The following SYT9 variants were observed in gnomAD, a reference collection of about 807,000 sequenced individuals.
SYT9 encodes synaptotagmin-9.
SYT9 carries 22 observed loss-of-function variants against 48.4 expected under a neutral mutation model. That is an observed-to-expected ratio of 0.45 (90% CI 0.32 to 0.65). SYT9 has a LOEUF of 0.65. Ranked by LOEUF, SYT9 falls within the 30% of genes least tolerant of loss-of-function variation. SYT9 has a pLI of 0.03. For synonymous variants in SYT9, 265 were observed against 245.0 expected, an observed-to-expected ratio of 1.08 and a Z score of -0.76; for missense variants, 577 against 622.0, an observed-to-expected ratio of 0.93 and a Z score of 0.77.
At chr11:7,383,665 A>ATTT (rs55820439) in intron 3 of SYT9, among the ~76,000 whole-genome samples, 2 of 151,914 alleles carry the variant, frequency 1.3e-5, no homozygotes, top group South Asian at 4.2e-4. Flanking sequence ...GCATAAAGAC[A>ATTT]TTTTCTCATT....
chr11:7,270,037 T>A (rs757999391), intron 1 of SYT9, among the ~76,000 whole-genome samples: 21 of 152,182 alleles, frequency 1.4e-4, no homozygotes, highest in Admixed American at 2.6e-4. Context: ...TAACAATGAA[T>A]GATAGAGAAT....
chr11:7,350,618 C>T (rs1487880), intron 3 of SYT9, among the ~76,000 whole-genome samples: 45,489 of 151,972 alleles, frequency 0.3, 7,144 homozygotes, highest in Non-Finnish European at 0.35. Context: ...CCTTCATCTT[C>T]CATATCTCAA....
At chr11:7,328,947 T>C (rs1849483056) in intron 3 of SYT9, among the ~76,000 whole-genome samples, 1 of 152,210 alleles carries the variant, frequency 6.6e-6, no homozygotes, top group African/African-American at 2.4e-5. Context: ...TCAACCGCTC[T>C]CTATGTGTAA....
At chr11:7,243,487 C>T (rs189482559) in intron 1 of SYT9, among the ~76,000 whole-genome samples, 12 of 152,304 alleles carry the variant, frequency 7.9e-5, no homozygotes, top group African/African-American at 2.9e-4. Flanking sequence ...GCCTCCTCCT[C>T]CCCTTCTTAC....
intron 1 of SYT9, among the ~76,000 whole-genome samples, chr11:7,280,815 A>G (rs1303163839): frequency 6.6e-6 from 1 of 152,176 alleles, no homozygotes; most frequent in Non-Finnish European, 1.5e-5. Context: ...AGAAGATACT[A>G]GAGATGTAAG....
intron 1 of SYT9, among the ~76,000 whole-genome samples, chr11:7,282,558 T>C (rs1470818418): frequency 6.6e-6 from 1 of 152,192 alleles, no homozygotes; most frequent in Non-Finnish European, 1.5e-5. Flanking sequence ...TGACCAGCAG[T>C]ACCTAATTAC....
At chr11:7,264,003 G>T (rs1848128337) in intron 1 of SYT9, among the ~76,000 whole-genome samples, 1 of 152,144 alleles carries the variant, frequency 6.6e-6, no homozygotes, top group Admixed American at 6.5e-5. Context: ...GGAGTGATGT[G>T]CTGAGTAGGT....
intron 1 of SYT9, among the ~76,000 whole-genome samples, chr11:7,298,158 T>C (rs1848847827): frequency 1.3e-5 from 2 of 152,154 alleles, no homozygotes. Context: ...CCTGGATAAA[T>C]ACTCTACATA....
At chr11:7,347,021 A>G (rs1357472626) in intron 3 of SYT9, among the ~76,000 whole-genome samples, 1 of 152,160 alleles carries the variant, frequency 6.6e-6, no homozygotes, top group East Asian at 1.9e-4. Flanking sequence ...CTGTTCCTGA[A>G]CAGGGCTTCA....
intron 6 of SYT9, among the ~76,000 whole-genome samples, chr11:7,448,705 G>T (rs1847984891): frequency 6.6e-6 from 1 of 152,206 alleles, no homozygotes; most frequent in South Asian, 2.1e-4. Context: ...AGAGCAAAAA[G>T]AATTATCTTA....
chr11:7,460,321 T>C (rs183409357), intron 6 of SYT9, among the ~76,000 whole-genome samples: 1 of 152,326 alleles, frequency 6.6e-6, no homozygotes, highest in East Asian at 1.9e-4. Context: ...TTTAATCAAA[T>C]TCTCTTAAAT....
At chr11:7,389,896 C>A (rs1410981780) in intron 3 of SYT9, among the ~76,000 whole-genome samples, 1 of 152,094 alleles carries the variant, frequency 6.6e-6, no homozygotes, top group Admixed American at 6.6e-5. Flanking sequence ...TACAAGAAGA[C>A]TTTGTGATGT....
intron 1 of SYT9, among the ~76,000 whole-genome samples, chr11:7,273,953 A>G (rs984651609): frequency 2.6e-5 from 4 of 152,130 alleles, no homozygotes; most frequent in African/African-American, 9.7e-5. Context: ...TAATGTATGT[A>G]GGGCTTAAAA....
intron 3 of SYT9, among the ~76,000 whole-genome samples, chr11:7,376,439 CA>C (rs1430896109): frequency 6.6e-6 from 1 of 151,322 alleles, no homozygotes; most frequent in East Asian, 1.9e-4. Context: ...CAACCTCCTA[CA>C]AAGCTGCCTT....
chr11:7,255,233 G>T (rs7943099), intron 1 of SYT9, among the ~76,000 whole-genome samples: 2 of 151,924 alleles, frequency 1.3e-5, no homozygotes, highest in Non-Finnish European at 2.9e-5. Flanking sequence ...AACAGCAAGC[G>T]CAAAGGCCCT....
At chr11:7,383,186 T>A (rs930039298) in intron 3 of SYT9, among the ~76,000 whole-genome samples, 1 of 152,164 alleles carries the variant, frequency 6.6e-6, no homozygotes, top group Non-Finnish European at 1.5e-5. Flanking sequence ...TTATTACAGG[T>A]GAAGATTAAG....
At chr11:7,361,986 G>A (rs1437898850) in intron 3 of SYT9, among the ~76,000 whole-genome samples, 1 of 152,018 alleles carries the variant, frequency 6.6e-6, no homozygotes, top group African/African-American at 2.4e-5. Context: ...ATAAGAAGGT[G>A]GTAGAAGGTT....
At chr11:7,425,815 C>A (rs1847445566) in intron 6 of SYT9, among the ~76,000 whole-genome samples, 1 of 152,142 alleles carries the variant, frequency 6.6e-6, no homozygotes. Flanking sequence ...ACGTGGAGGG[C>A]TACATGCTGC....
rs777195009 is a variant in SYT9 at position 7,313,623 on chromosome 11, C to G, written c.726C>G (p.His242Gln). The change falls in exon 3 of 7, where the codon CAC becomes CAG. Residue 242 changes from histidine (H) to glutamine (Q), a missense_variant. Coordinates refer to ENST00000318881, the MANE Select transcript of SYT9 (RefSeq NM_175733.4). The stretch of plus-strand genomic sequence containing the variant: ...TAGAGCAGCTCATAGTGAAGATTCA[C>G]AAAGCTGTCAATTTGCCCGCCAAGG... ...CDLEQLIVKI[H>Q]KAVNLPAKDF... 1.2e-6 allele frequency: 2 copies of G among 1,614,140 alleles called. No homozygotes were observed.
Sources: gnomAD v4.1 joint callset for allele counts (sites outside exome capture counted in the v4.1 genomes callset) on GRCh38, gnomAD v4.1.1 for gene constraint, MANE v1.5 for transcripts, NCBI Gene and HGNC (gene_info 2026-07-23, HGNC 2026-07-21) for gene names.